RET: variants seen among roughly 807,000 people sequenced by gnomAD.
RET encodes proto-oncogene tyrosine-protein kinase receptor Ret.
RET carries 19 observed loss-of-function variants against 118.3 expected under a neutral mutation model. The ratio of observed to expected loss-of-function variants is 0.16; its 90% confidence interval spans 0.11 to 0.24. The LOEUF (loss-of-function observed/expected upper bound fraction) is 0.24. RET is among the 10% of genes least tolerant of loss of function. RET has a pLI of 1.00. For synonymous variants in RET, 597 were observed against 644.1 expected, an observed-to-expected ratio of 0.93 and a Z score of 1.11; for missense variants, 1,219 against 1,502.1, an observed-to-expected ratio of 0.81 and a Z score of 3.12.
At chr10:43,126,323 A>C (rs573447010) in intron 18 of RET, among the ~76,000 whole-genome samples, 1 of 152,286 alleles carries the variant, frequency 6.6e-6, no homozygotes, top group South Asian at 2.1e-4. Context: ...TTCCCCAGGG[A>C]GGTGACTTTC....
chr10:43,082,676 G>A (rs1022041782), intron 1 of RET, among the ~76,000 whole-genome samples: 1 of 152,208 alleles, frequency 6.6e-6, no homozygotes, highest in Non-Finnish European at 1.5e-5. Flanking sequence ...GGGCAGTGTG[G>A]CCCCAGGGCA....
Position 43,129,838 on chromosome 10 carries a change from C to G in RET, c.*1569C>G, listed in dbSNP as rs186000190. On this transcript the variant is annotated 3_prime_UTR_variant, in exon 20 of 20. Transcript: ENST00000355710. ...AATGCTTATTGGACACGTAACCTGGCTCTAATTTGGGCTGTTTTTCAGATA... is the reference window on the plus strand; with the variant it reads ...AATGCTTATTGGACACGTAACCTGGGTCTAATTTGGGCTGTTTTTCAGATA... 2.5e-6 allele frequency: 1 copy of G among 397,126 alleles called. No homozygotes were observed. The highest frequency in any genetic ancestry group is 2.1e-5 in the African/African-American group (1 of 48,710). The allele number at this position is 397,126 out of a possible 1,614,324, so 24.6% of individuals were successfully genotyped here. A position where few individuals can be genotyped will look rare whatever the true frequency, so the allele number is the denominator to read the frequency against.
chr10:43,080,657 C>T (rs753510391), intron 1 of RET, among the ~76,000 whole-genome samples: 1 of 152,226 alleles, frequency 6.6e-6, no homozygotes, highest in Non-Finnish European at 1.5e-5. Flanking sequence ...CTCCAGGTGC[C>T]CTCAGGACAT....
At chr10:43,081,902 T>A (rs1189953119) in intron 1 of RET, among the ~76,000 whole-genome samples, 1 of 152,220 alleles carries the variant, frequency 6.6e-6, no homozygotes, top group East Asian at 1.9e-4. Context: ...GGCCTTCTCC[T>A]GACCAAGGCT....
intron 1 of RET, among the ~76,000 whole-genome samples, chr10:43,086,438 AG>A: frequency 6.6e-6 from 1 of 152,254 alleles, no homozygotes; most frequent in African/African-American, 2.4e-5. Flanking sequence ...ACATGATCTG[AG>A]TCACTGCCTT....
chr10:43,078,534 TC>T (rs1837103083), intron 1 of RET, among the ~76,000 whole-genome samples: 2 of 152,232 alleles, frequency 1.3e-5, no homozygotes, highest in African/African-American at 4.8e-5. Flanking sequence ...TTCTATCTTT[TC>T]TGAGTGTTAG....
chr10:43,127,130 A>C (rs765946912), intron 19 of RET: 24 of 1,134,368 alleles, frequency 2.1e-5, no homozygotes, highest in Non-Finnish European at 2.6e-5. Flanking sequence ...CACCAGCACC[A>C]CTCAGCCTGC....
At chr10:43,123,555 T>C (rs973442895) in intron 16 of RET, 116 bp from the exon 17 acceptor site, 17 of 1,363,988 alleles carry the variant, frequency 1.2e-5, no homozygotes, top group Non-Finnish European at 1.8e-5. Context: ...TGAGCATCTG[T>C]GCTTGAAGCC....
At chr10:43,093,613 A>G (rs1002414694) in intron 1 of RET, among the ~76,000 whole-genome samples, 1 of 152,110 alleles carries the variant, frequency 6.6e-6, no homozygotes. Context: ...CAGAGGAGGA[A>G]ACCAGCCGAG....
intron 2 of RET, 27 bp from the exon 3 acceptor site, chr10:43,102,315 C>T: frequency 6.2e-7 from 1 of 1,612,508 alleles, no homozygotes; most frequent in Non-Finnish European, 8.5e-7. Flanking sequence ...TGGCCGATGC[C>T]CCCACAGACC....
At chr10:43,094,982 G>A (rs1837492896) in intron 1 of RET, among the ~76,000 whole-genome samples, 1 of 152,200 alleles carries the variant, frequency 6.6e-6, no homozygotes, top group Non-Finnish European at 1.5e-5. Context: ...TGAGACAGGA[G>A]CAGTAACATC....
rs142641173 is a variant in RET at position 43,100,609 on chromosome 10, C to T, written c.224C>T (p.Thr75Met). 27 of 1,613,860 alleles carry T rather than the reference C, an allele frequency of 1.7e-5. No homozygotes were observed. The African/African-American group carries it at 1.7e-4, about 10-fold the overall frequency. The change falls in exon 2 of 20, where the codon ACG (threonine) becomes ATG (methionine). Residue 75 changes from threonine (T) to methionine (M), a missense_variant. By Grantham distance (81) the Thr-to-Met change is moderately conservative. Coordinates refer to ENST00000355710, the MANE Select transcript of RET (RefSeq NM_020975.6). ...SFRLGQHLYG[T>M]YRTRLHENNW... ...CGCCTGGGCCAGCATCTCTACGGCA[C>T]GTACCGCACACGGCTGCATGAGAAC...
rs12267460 is a variant in RET at position 43,077,384 on chromosome 10, G to A, written c.73+53G>A. The A allele has an allele frequency of 0.38, 569,150 of 1,482,452 alleles. 110,484 individuals carry two copies. Among genetic ancestry groups the A allele is most frequent in the Admixed American group, 0.46 (21,089 of 45,860 alleles). The allele number at this position is 1,482,452 out of a possible 1,614,324, so 91.8% of individuals were successfully genotyped here. On this transcript the variant is annotated intron_variant, in intron 1 of 19. Transcript: ENST00000355710. ...CAGGGGCCAGGGCGAAGTTGGCGCC[G>A]AGCAGCGGAGCGGGCGCGTTCAGAA...
At chr10:43,103,806 A>G (rs953621468) in intron 3 of RET, among the ~76,000 whole-genome samples, 13 of 152,246 alleles carry the variant, frequency 8.5e-5, no homozygotes, top group African/African-American at 3.1e-4. Context: ...AGAGGAAAGC[A>G]TTATATGATA....
At chr10:43,128,010 A>C in intron 19 of RET, 102 bp from the exon 20 acceptor site, 1 of 1,198,564 alleles carries the variant, frequency 8.3e-7, no homozygotes, top group East Asian at 2.3e-5. Flanking sequence ...AGAAACCACG[A>C]GTTTGGTTTG....
chr10:43,106,138 G>A lies in RET; in HGVS notation c.868-238G>A, dbSNP rs1356967207. The stretch of plus-strand genomic sequence containing the variant: ...CTGTAATTCTCCTTATAAGAGGTCT[G>A]CATTGTACCTGTTACACAGGCGAGG... On this transcript the variant is annotated intron_variant, in intron 4 of 19. Coordinates refer to ENST00000355710, the MANE Select transcript of RET (RefSeq NM_020975.6). This position sits in a 1 kb window ranked among gnomAD's most constrained non-coding sequence, Gnocchi z 5.1. Among the ~76,000 whole-genome samples the A allele has an allele frequency of 1.3e-5, 2 of 152,196 alleles. No individual in the cohort carries two copies. The highest frequency in any genetic ancestry group is 2.4e-5 in the African/African-American group (1 of 41,452).
intron 1 of RET, among the ~76,000 whole-genome samples, chr10:43,086,173 C>G (rs1564484155): frequency 6.6e-6 from 1 of 152,192 alleles, no homozygotes; most frequent in Non-Finnish European, 1.5e-5. Flanking sequence ...AGCAGGGTAC[C>G]TAAGCTAGTG....
rs1838404559 is a variant in RET at position 43,129,568 on chromosome 10, C to T, written c.*1299C>T. On this transcript the variant is annotated 3_prime_UTR_variant, in exon 20 of 20. Coordinates refer to ENST00000355710, the MANE Select transcript of RET (RefSeq NM_020975.6). Reference sequence around the variant, plus strand: ...GGGGGCAGCTTTTGGGAAGTCTCAGCAGCTCTTCTGGCTGTGTTGTCAGCA... The same window carrying T: ...GGGGGCAGCTTTTGGGAAGTCTCAGTAGCTCTTCTGGCTGTGTTGTCAGCA... The T allele has an allele frequency of 4.2e-6, 1 of 240,162 alleles. No homozygotes were observed. The highest frequency in any genetic ancestry group is 8.1e-6 in the Non-Finnish European group (1 of 122,930). 14.9% of individuals were successfully genotyped at this position (240,162 alleles called of 1,614,324 possible).
chr10:43,102,903 G>A (rs1837673900), intron 3 of RET: 4 of 546,944 alleles, frequency 7.3e-6, no homozygotes, highest in Admixed American at 3.1e-5. Context: ...AGGAAATCAG[G>A]TGGCTTCTGG....
Sources: allele counts gnomAD v4.1 joint callset (sites outside exome capture counted in the v4.1 genomes callset), GRCh38; gene constraint gnomAD v4.1.1; non-coding constraint Gnocchi (gnomAD v3.1); transcripts MANE v1.5; gene names NCBI Gene and HGNC (gene_info 2026-07-23, HGNC 2026-07-21).